CRTAC1: variants seen among roughly 807,000 people sequenced by gnomAD.
The protein encoded by CRTAC1 is acidic secreted protein in cartilage.
A neutral mutation model predicts 67.8 loss-of-function variants in CRTAC1; 37 were observed. The ratio of observed to expected loss-of-function variants is 0.55; its 90% CI spans 0.42 to 0.72. CRTAC1 has a LOEUF of 0.72. Ranked by LOEUF, CRTAC1 falls within the 30% of genes least tolerant of loss-of-function variation. The probability of loss-of-function intolerance (pLI) is 0.00; values close to 1 mark genes in which losing one functional copy is unlikely to be tolerated. For missense variants in CRTAC1, 780 were observed against 931.6 expected, an observed-to-expected ratio of 0.84 and a Z score of 2.12; for synonymous variants, 348 against 371.0, an observed-to-expected ratio of 0.94 and a Z score of 0.71.
chr10:97,946,525 C>T (rs984108657), intron 2 of CRTAC1, among the ~76,000 whole-genome samples: 2 of 152,188 alleles, frequency 1.3e-5, no homozygotes, highest in Admixed American at 6.5e-5. Flanking sequence ...GGGTGGGTCA[C>T]CTGTCCATCT....
intron 2 of CRTAC1, among the ~76,000 whole-genome samples, chr10:97,991,417 A>AAGT: frequency 7.3e-6 from 1 of 137,594 alleles, no homozygotes; most frequent in African/African-American, 2.9e-5. Flanking sequence ...TGTCTTTTAA[A>AAGT]AATAATAAAT....
chr10:98,010,497 A>G (rs1842883324), intron 2 of CRTAC1, among the ~76,000 whole-genome samples: 1 of 152,222 alleles, frequency 6.6e-6, no homozygotes, highest in Non-Finnish European at 1.5e-5. Context: ...ACTCAAGGAC[A>G]TAAAACTGGA....
chr10:97,985,664 C>T (rs1259659754), intron 2 of CRTAC1, among the ~76,000 whole-genome samples: 1 of 152,076 alleles, frequency 6.6e-6, no homozygotes, highest in Non-Finnish European at 1.5e-5. Context: ...TGCAAAGTGC[C>T]GAGGCCTCCT....
chr10:97,954,772 G>A (rs1352655071), intron 2 of CRTAC1, among the ~76,000 whole-genome samples: 2 of 152,280 alleles, frequency 1.3e-5, no homozygotes, highest in East Asian at 3.9e-4. Context: ...TGAAATCAAG[G>A]TATCAACAAG....
intron 14 of CRTAC1, 100 bp downstream of exon 14, chr10:97,880,149 G>T: frequency 2.2e-6 from 3 of 1,372,202 alleles, no homozygotes; most frequent in Non-Finnish European, 2.0e-6. Context: ...CCAGCCAGGA[G>T]AAGGAAGGGG....
chr10:97,882,281 G>A (rs1263411435), intron 13 of CRTAC1, among the ~76,000 whole-genome samples: 1 of 152,168 alleles, frequency 6.6e-6, no homozygotes, highest in Non-Finnish European at 1.5e-5. Flanking sequence ...AAGGTTCTTG[G>A]ACCGTCAAGG....
intron 2 of CRTAC1, among the ~76,000 whole-genome samples, chr10:97,948,408 C>T (rs2051298395): frequency 1.3e-5 from 2 of 152,038 alleles, no homozygotes; most frequent in South Asian, 2.1e-4. Context: ...GTGGATGGGG[C>T]CACAGTGTGG....
At chr10:97,943,504 A>G (rs1041800966) in intron 2 of CRTAC1, among the ~76,000 whole-genome samples, 17 of 152,264 alleles carry the variant, frequency 1.1e-4, no homozygotes, top group African/African-American at 3.9e-4. Context: ...AACGTTTTTA[A>G]AAATGTGTTG....
intron 14 of CRTAC1, chr10:97,869,575 C>G (rs559023865): frequency 6.6e-6 from 1 of 152,404 alleles, no homozygotes. Flanking sequence ...TTCCTTTGGC[C>G]ACAGGGCGGG....
At chr10:97,950,487 T>G (rs1184957515) in intron 2 of CRTAC1, among the ~76,000 whole-genome samples, 1 of 152,186 alleles carries the variant, frequency 6.6e-6, no homozygotes, top group East Asian at 1.9e-4. Flanking sequence ...AGTCCGGGGC[T>G]GGGCACAGGA....
At chr10:97,922,885 A>C (rs537940702) in intron 4 of CRTAC1, among the ~76,000 whole-genome samples, 269 of 152,292 alleles carry the variant, frequency 1.8e-3, no homozygotes, top group Non-Finnish European at 2.9e-3. Context: ...GGCACTTAAT[A>C]AATGTTAGTT....
At chr10:97,878,824 C>A in intron 14 of CRTAC1, 1 of 723,916 alleles carries the variant, frequency 1.4e-6, no homozygotes, top group Non-Finnish European at 2.0e-6. Flanking sequence ...TGAGGCACAG[C>A]ATGGAGAAGT....
chr10:97,938,827 A>G (rs2051129090), intron 2 of CRTAC1, among the ~76,000 whole-genome samples: 1 of 152,186 alleles, frequency 6.6e-6, no homozygotes, highest in African/African-American at 2.4e-5. Flanking sequence ...GTGAAATGCA[A>G]GAGTTGGACA....
At chr10:97,865,804 C>A in intron 14 of CRTAC1, 90 bp from the exon 15 acceptor site, 1 of 1,273,956 alleles carries the variant, frequency 7.8e-7, no homozygotes, top group Non-Finnish European at 1.1e-6. Flanking sequence ...ATTCTTTGGG[C>A]TCACCCTGCT....
intron 2 of CRTAC1, among the ~76,000 whole-genome samples, chr10:98,005,681 T>C (rs1842776700): frequency 6.6e-6 from 1 of 151,210 alleles, no homozygotes; most frequent in Admixed American, 6.6e-5. Context: ...TATATATCTA[T>C]ATACTACATG....
At chr10:97,939,637 A>G (rs73332571) in intron 2 of CRTAC1, among the ~76,000 whole-genome samples, 2,615 of 152,142 alleles carry the variant, frequency 0.017, 62 homozygotes, top group African/African-American at 0.059. Context: ...ATCCCCCAAG[A>G]AAACCAGGAG....
At chr10:97,969,792 G>T (rs1197918318) in intron 2 of CRTAC1, among the ~76,000 whole-genome samples, 1 of 152,126 alleles carries the variant, frequency 6.6e-6, no homozygotes, top group Non-Finnish European at 1.5e-5. Context: ...GCAAATGGTT[G>T]CTGACGCTGG....
At chr10:97,931,399 T>C (rs2051001498) in intron 3 of CRTAC1, among the ~76,000 whole-genome samples, 1 of 152,224 alleles carries the variant, frequency 6.6e-6, no homozygotes, top group African/African-American at 2.4e-5. Flanking sequence ...ATTCATTTGG[T>C]AGCACGTTTT....
chr10:98,016,955 G>A (rs541557357), intron 1 of CRTAC1, among the ~76,000 whole-genome samples: 12 of 152,266 alleles, frequency 7.9e-5, no homozygotes, highest in African/African-American at 2.6e-4. Context: ...GCTGGCACCC[G>A]GAGTGACCTC....
Sources: allele counts gnomAD v4.1 joint callset (sites outside exome capture counted in the v4.1 genomes callset), GRCh38; gene constraint gnomAD v4.1.1; transcripts MANE v1.5; gene names NCBI Gene and HGNC (gene_info 2026-07-23, HGNC 2026-07-21).